The following STK11IP variants were observed in gnomAD, a reference collection of about 807,000 sequenced individuals.
The protein encoded by STK11IP is serine/threonine-protein kinase 11-interacting protein.
Under a neutral mutation model 131.7 loss-of-function variants are expected in STK11IP, and 103 were observed. The observed-to-expected ratio is 0.78, with a 90% CI of 0.67 to 0.92. The LOEUF (loss-of-function observed/expected upper bound fraction) is 0.92, where lower values mean the gene tolerates loss of function less well. STK11IP is among the 40% of genes least tolerant of loss of function. The probability of loss-of-function intolerance (pLI) is 0.00; values close to 1 mark genes in which losing one functional copy is unlikely to be tolerated. For missense variants in STK11IP, 1,315 were observed against 1,385.7 expected, an observed-to-expected ratio of 0.95 and a Z score of 0.81; for synonymous variants, 557 against 575.6, an observed-to-expected ratio of 0.97 and a Z score of 0.46.
intron 5 of STK11IP, among the ~76,000 whole-genome samples, 180 bp from the exon 6 acceptor site, chr2:219,602,288 T>C (rs1698012847): frequency 6.6e-6 from 1 of 152,244 alleles, no homozygotes; most frequent in South Asian, 2.1e-4. Flanking sequence ...CATATTCTAG[T>C]GTCTACCTTC....
chr2:219,601,791 C>T (rs942141374), intron 4 of STK11IP, 76 bp downstream of exon 4: 1 of 1,494,646 alleles, frequency 6.7e-7, no homozygotes, highest in Non-Finnish European at 9.1e-7. Flanking sequence ...AAGAGAAGAG[C>T]CTCTTTGGTG....
intron 21 of STK11IP, 66 bp from the exon 22 acceptor site, chr2:219,614,095 G>A: frequency 6.3e-7 from 1 of 1,581,834 alleles, no homozygotes; most frequent in Non-Finnish European, 8.7e-7. Flanking sequence ...AAGGGATTGA[G>A]AGGTGGTGAG....
chr2:219,608,505 G>A, intron 14 of STK11IP, 75 bp downstream of exon 14: 1 of 1,534,668 alleles, frequency 6.5e-7, no homozygotes. Flanking sequence ...GGCCTGGCGG[G>A]TGGAGGGCCA....
At chr2:219,609,036 C>T in intron 15 of STK11IP, 61 bp from the exon 16 acceptor site, 1 of 1,306,594 alleles carries the variant, frequency 7.7e-7, no homozygotes, top group South Asian at 1.3e-5. Context: ...TCTCAGCATC[C>T]CCTCATCCCT....
rs139100537 is a variant in STK11IP at position 219,614,964 on chromosome 2, G to A, written c.2870-130G>A. ...GGAAAGGGAGGGTCTTGGCCCCAGG[G>A]GCACAGGCTGCTTTGTGACCCACCT... is the stretch of plus-strand genomic sequence containing the variant. On this transcript the variant is annotated intron_variant, in intron 23 of 24. Transcript: ENST00000456909. 2.0e-3 allele frequency: 2,301 copies of A among 1,147,954 alleles called. 27 individuals carry two copies. In the African/African-American group the frequency reaches 0.032, roughly 16 times the overall value. 71.1% of individuals were successfully genotyped at this position (1,147,954 alleles called of 1,614,324 possible).
chr2:219,608,063 G>C lies in STK11IP; in HGVS notation c.1236G>C (p.Gln412His). Residue 412 changes from glutamine (Q) to histidine (H), a missense_variant, in exon 14 of 25, where the codon CAG (glutamine) becomes CAC (histidine). Transcript: ENST00000456909. ...CCTGCCTAGGATGGTTCGTGCAGCA[G>C]CACCCGGAGCTGGAGCTCATGAGCA... ...NPSPAGWFVQ[Q>H]HPELELMSSF... 3 of 1,611,924 alleles carry C rather than the reference G, an allele frequency of 1.9e-6. No homozygotes were observed. Among genetic ancestry groups the C allele is most frequent in the Non-Finnish European group, 2.5e-6 (3 of 1,179,722 alleles).
chr2:219,607,283 T>C lies in STK11IP; in HGVS notation c.1219+146T>C, dbSNP rs1250771623. 4 of 808,814 alleles carry C rather than the reference T, an allele frequency of 4.9e-6. No individual in the cohort carries two copies. In the African/African-American group the frequency reaches 7.0e-5, roughly 14 times the overall value. The allele number at this position is 808,814 out of a possible 1,614,324, so 50.1% of individuals were successfully genotyped here. A position where few individuals can be genotyped will look rare whatever the true frequency, so the allele number is the denominator to read the frequency against. On this transcript the variant is annotated intron_variant, in intron 13 of 24. Coordinates refer to ENST00000456909, the MANE Select transcript of STK11IP (RefSeq NM_052902.4). Reference sequence around the variant, plus strand: ...GGCTTCTTAGTCTTTTTTCTTTTCTTTTAGTTTAGGGAAAGGAGAAGACTG... The same window carrying C: ...GGCTTCTTAGTCTTTTTTCTTTTCTCTTAGTTTAGGGAAAGGAGAAGACTG...
chr2:219,608,377 AAGAGGAGGCAGG>A lies in STK11IP; in HGVS notation c.1559_1570del (p.Ala520_Glu523del). 1 of 1,580,054 alleles carries A rather than the reference AAGAGGAGGCAGG, an allele frequency of 6.3e-7. No homozygotes were observed. Among genetic ancestry groups the A allele is most frequent in the East Asian group, 2.3e-5 (1 of 43,358 alleles). On this transcript the variant is annotated inframe_deletion, in exon 14 of 25. Transcript: ENST00000456909. ...GAGGGGGAGATGGTGGAACAGGGAG[AAGAGGAGGCAGG>A]AGAGGAGGAAGAAGAGGAGCAGGAC...
intron 17 of STK11IP, among the ~76,000 whole-genome samples, chr2:219,610,733 C>G (rs536339977): frequency 1.4e-4 from 21 of 152,208 alleles, no homozygotes; most frequent in Non-Finnish European, 2.9e-4. Context: ...TCAGTTACCT[C>G]CTCTGAACAA....
At position 219,613,193 on chromosome 2, in the gene STK11IP, G is replaced by A; in HGVS notation, c.2505G>A (p.Arg835=). ...FMCLVVVSDR[R]LYLLKVTGEM... Reference sequence around the variant, plus strand: ...GCCTTGTGGTTGTGTCTGACCGCAGGCTGTACCTGTTGAAGGTGACTGGGG... The same window carrying A: ...GCCTTGTGGTTGTGTCTGACCGCAGACTGTACCTGTTGAAGGTGACTGGGG... Residue 835 remains arginine (R), a synonymous_variant, in exon 20 of 25, where the codon AGG becomes AGA. Coordinates refer to ENST00000456909, the MANE Select transcript of STK11IP (RefSeq NM_052902.4). 1.2e-6 allele frequency: 2 copies of A among 1,610,728 alleles called. No individual in the cohort carries two copies. The highest frequency in any genetic ancestry group is 1.7e-6 in the Non-Finnish European group (2 of 1,179,170).
At chr2:219,605,008 T>G (rs1349523245) in intron 7 of STK11IP, among the ~76,000 whole-genome samples, 1 of 152,118 alleles carries the variant, frequency 6.6e-6, no homozygotes, top group Non-Finnish European at 1.5e-5. Context: ...TTTTGTATTT[T>G]TAGTAGAGAC....
In STK11IP at chr2:219,614,459, T is replaced by G. The variant is rs776996968; in HGVS notation, c.2799-17T>G. On this transcript the variant is annotated splice_polypyrimidine_tract_variant and intron_variant, in intron 22 of 24. Transcript: ENST00000456909. ...ACCCGCTAGCTGATCTTCCTGTGCCTGCCATATTCCCTCTAGGCCATTGCT... is the reference window on the plus strand; with the variant it reads ...ACCCGCTAGCTGATCTTCCTGTGCCGGCCATATTCCCTCTAGGCCATTGCT... 6.2e-7 allele frequency: 1 copy of G among 1,613,292 alleles called. No homozygotes were observed. The highest frequency in any genetic ancestry group is 1.1e-5 in the South Asian group (1 of 91,086).
At position 219,602,038 on chromosome 2, in the gene STK11IP, C is replaced by T; in HGVS notation, c.393C>T (p.Ser131=). Residue 131 remains serine (S), a synonymous_variant, in exon 5 of 25, where the codon TCC becomes TCT. Transcript: ENST00000456909. Reference sequence around the variant, plus strand: ...TGCATGGCCTCCGAGGCATCTACTCCCAGCTGGAGACCCTGATTTGCAGCA... The same window carrying T: ...TGCATGGCCTCCGAGGCATCTACTCTCAGCTGGAGACCCTGATTTGCAGCA... ...HCLHGLRGIY[S]QLETLICSRS... is the part of the protein sequence containing the mutation. 6.2e-7 allele frequency: 1 copy of T among 1,611,492 alleles called. No individual in the cohort carries two copies. The highest frequency in any genetic ancestry group is 2.2e-5 in the East Asian group (1 of 44,812).
intron 2 of STK11IP, among the ~76,000 whole-genome samples, chr2:219,600,041 G>GTTTTTT (rs1203746448): frequency 1.3e-4 from 12 of 91,922 alleles, no homozygotes; most frequent in African/African-American, 4.1e-4. Context: ...TGCCCTTTGT[G>GTTTTTT]TTTTTTTTTT....
chr2:219,614,798 T>G (rs1574633984), intron 23 of STK11IP: 1 of 658,474 alleles, frequency 1.5e-6, no homozygotes, highest in East Asian at 2.8e-5. Context: ...TTCTATGAAG[T>G]GGAGCAGCGT....
At chr2:219,598,260 G>C (rs1697863480) in intron 2 of STK11IP, 80 bp downstream of exon 2, 1 of 1,086,022 alleles carries the variant, frequency 9.2e-7, no homozygotes, top group Middle Eastern at 2.1e-4. Flanking sequence ...CGCCCTGAGA[G>C]TCATGGAGTT....
chr2:219,599,280 G>T (rs952703146), intron 2 of STK11IP, among the ~76,000 whole-genome samples: 3 of 152,028 alleles, frequency 2.0e-5, no homozygotes, highest in Non-Finnish European at 4.4e-5. Context: ...GTAGAGACGG[G>T]GTTTCACCAT....
chr2:219,601,209 C>T, intron 2 of STK11IP, 26 bp from the exon 3 acceptor site: 4 of 1,592,534 alleles, frequency 2.5e-6, no homozygotes, highest in African/African-American at 1.3e-5. Context: ...CTGTGTCTTC[C>T]CTCCTGTTTG....
Position 219,613,833 on chromosome 2 carries a change from C to G in STK11IP, c.2619C>G (p.Gly873=), listed in dbSNP as rs773141282. ...DLSGIELGLA[G]QSLRLEWAAG... ...GTGGCATAGAGCTGGGCCTGGCAGG[C>G]CAGAGCCTGCGGCTAGAGTGGGCAG... is the stretch of plus-strand genomic sequence containing the variant. Residue 873 remains glycine, a synonymous_variant, in exon 21 of 25, where the codon GGC becomes GGG. Transcript: ENST00000456909. The G allele has an allele frequency of 3.1e-6, 5 of 1,612,240 alleles. No individual in the cohort carries two copies. Among genetic ancestry groups the G allele is most frequent in the Non-Finnish European group, 4.2e-6 (5 of 1,179,628 alleles).
Sources: gnomAD v4.1 joint callset for allele counts (sites outside exome capture counted in the v4.1 genomes callset) on GRCh38, gnomAD v4.1.1 for gene constraint, MANE v1.5 for transcripts, NCBI Gene and HGNC (gene_info 2026-07-23, HGNC 2026-07-21) for gene names.